ZFAT: variants seen among roughly 807,000 people sequenced by gnomAD.
ZFAT encodes the protein zinc finger and AT-hook domain containing.
In ZFAT, 64 loss-of-function variants were observed where a neutral mutation model predicts 117.7. That is an observed-to-expected ratio of 0.54 (90% CI 0.44 to 0.67). The LOEUF (loss-of-function observed/expected upper bound fraction) is 0.67. Ranked by LOEUF, ZFAT falls within the 30% of genes least tolerant of loss-of-function variation. ZFAT has a pLI of 0.00. For synonymous variants in ZFAT, 679 were observed against 615.0 expected (o/e 1.10, Z -1.54); for missense variants, 1,433 against 1,584.5 (o/e 0.90, Z 1.62).
chr8:134,766,529 C>T, the ZFAT span: 1 of 152,258 alleles, frequency 6.6e-6, no homozygotes, highest in Non-Finnish European at 1.5e-5. Flanking sequence ...CCTTTCCAAT[C>T]CCAGCAATGC....
intron 3 of ZFAT, among the ~76,000 whole-genome samples, chr8:134,623,308 A>G (rs947394878): frequency 2.6e-5 from 4 of 151,888 alleles, no homozygotes; most frequent in African/African-American, 9.7e-5. Flanking sequence ...ATCCCTGGAC[A>G]CTCCCCTGTG....
chr8:134,761,982 ATGTGTGTG>A, the ZFAT span, among the ~76,000 whole-genome samples: 17 of 147,124 alleles, frequency 1.2e-4, no homozygotes, highest in African/African-American at 3.8e-4. Flanking sequence ...TTCTCTCTGT[ATGTGTGTG>A]TGTGTGTGTG....
At chr8:134,497,213 AT>A (rs1818512403) in intron 15 of ZFAT, among the ~76,000 whole-genome samples, 1 of 152,212 alleles carries the variant, frequency 6.6e-6, no homozygotes, top group African/African-American at 2.4e-5. Flanking sequence ...GTTCTGAGTT[AT>A]TGGAGGATTT....
chr8:134,484,392 GCAGCCATGGACTC>G (rs1166452530), intron 15 of ZFAT, among the ~76,000 whole-genome samples: 3 of 152,208 alleles, frequency 2.0e-5, no homozygotes, highest in Non-Finnish European at 4.4e-5. Context: ...ACCATCTGGA[GCAGCCATGGACTC>G]CAGGGCCAGC....
intron 3 of ZFAT, among the ~76,000 whole-genome samples, chr8:134,626,432 T>C (rs552244592): frequency 1.3e-5 from 2 of 152,232 alleles, no homozygotes; most frequent in African/African-American, 2.4e-5. Context: ...CCTCAGCTTC[T>C]TCATCTAAAA....
chr8:134,514,472 C>T (rs1012776120), intron 13 of ZFAT, among the ~76,000 whole-genome samples: 10 of 152,216 alleles, frequency 6.6e-5, no homozygotes, highest in Admixed American at 2.6e-4. Context: ...CATCAACATC[C>T]GCAATAATCA....
the ZFAT span, among the ~76,000 whole-genome samples, chr8:134,756,418 G>A: frequency 6.6e-6 from 1 of 152,256 alleles, no homozygotes; most frequent in Non-Finnish European, 1.5e-5. Flanking sequence ...CAGTCACGGA[G>A]TGAGTAAGTC....
intron 1 of ZFAT, chr8:134,673,266 T>C (rs1241048325): frequency 6.6e-6 from 1 of 152,318 alleles, no homozygotes; most frequent in Non-Finnish European, 1.5e-5. Context: ...GATGACTTGC[T>C]TTACAAGAGT....
chr8:134,497,743 T>G (rs370268804), intron 15 of ZFAT, among the ~76,000 whole-genome samples: 21 of 57,148 alleles, frequency 3.7e-4, no homozygotes, highest in African/African-American at 4.4e-4. Context: ...GGTGGAGCCG[T>G]GATGCCCCTG....
chr8:134,824,393 A>G, the ZFAT span, among the ~76,000 whole-genome samples: 14 of 152,234 alleles, frequency 9.2e-5, no homozygotes, highest in Non-Finnish European at 8.8e-5. Context: ...CAGGCAAGTG[A>G]TAAGAGCAAA....
chr8:134,505,955 G>A (rs373727789), intron 15 of ZFAT, among the ~76,000 whole-genome samples: 19 of 152,144 alleles, frequency 1.2e-4, no homozygotes, highest in African/African-American at 2.9e-4. Context: ...ATGAGTGCCC[G>A]TCAACCATAC....
the ZFAT span, among the ~76,000 whole-genome samples, chr8:134,789,479 T>C: frequency 2.6e-5 from 4 of 152,256 alleles, no homozygotes; most frequent in African/African-American, 9.6e-5. Flanking sequence ...TTTCAGTGTG[T>C]ATGTACTGAA....
the ZFAT span, among the ~76,000 whole-genome samples, chr8:134,747,371 T>G: frequency 6.6e-6 from 1 of 152,222 alleles, no homozygotes; most frequent in Non-Finnish European, 1.5e-5. Context: ...ATTACAGGCA[T>G]GAGCCACTGC....
chr8:134,643,948 T>C (rs1441464445), intron 2 of ZFAT, among the ~76,000 whole-genome samples: 6 of 152,190 alleles, frequency 3.9e-5, no homozygotes, highest in Non-Finnish European at 8.8e-5. Context: ...TCAACATTCG[T>C]ACATGCACTC....
chr8:134,560,228 C>T (rs910445548), intron 11 of ZFAT, among the ~76,000 whole-genome samples: 1 of 152,022 alleles, frequency 6.6e-6, no homozygotes, highest in African/African-American at 2.4e-5. Flanking sequence ...TGTTTTTCTC[C>T]TCTCACTCTC....
chr8:134,589,868 G>A (rs12679150), intron 8 of ZFAT, among the ~76,000 whole-genome samples: 31,309 of 152,172 alleles, frequency 0.21, 3,789 homozygotes, highest in East Asian at 0.53. Flanking sequence ...GAGAATACCC[G>A]TGGTAATGGT....
At chr8:134,755,265 A>AAT in the ZFAT span, among the ~76,000 whole-genome samples, 1 of 122,316 alleles carries the variant, frequency 8.2e-6, no homozygotes, top group African/African-American at 2.9e-5. Flanking sequence ...AAAAAAAAAA[A>AAT]TGCCGGGCGT....
intron 1 of ZFAT, among the ~76,000 whole-genome samples, chr8:134,666,270 C>G (rs960467150): frequency 1.3e-5 from 2 of 152,170 alleles, no homozygotes; most frequent in African/African-American, 2.4e-5. Context: ...ACTTCTACCC[C>G]CCATTGGCAG....
chr8:134,697,997 C>T (rs980652148), intron 1 of ZFAT, among the ~76,000 whole-genome samples: 9 of 151,732 alleles, frequency 5.9e-5, no homozygotes, highest in Non-Finnish European at 1.2e-4. Flanking sequence ...GATAAGGGAG[C>T]CACCAGGGCC....
Sources: gnomAD v4.1 joint callset for allele counts (sites outside exome capture counted in the v4.1 genomes callset) on GRCh38, gnomAD v4.1.1 for gene constraint, MANE v1.5 for transcripts, NCBI Gene and HGNC (gene_info 2026-07-23, HGNC 2026-07-21) for gene names.